The following LANCL2 variants were observed in gnomAD, a reference collection of about 807,000 sequenced individuals.
LANCL2 encodes the protein LanC like glutathione S-transferase 2, also known as lanC-like protein 2.
LANCL2 carries 33 observed loss-of-function variants against 56.9 expected under a neutral mutation model. The observed-to-expected ratio is 0.58, with a 90% CI of 0.44 to 0.78. The LOEUF (loss-of-function observed/expected upper bound fraction) is 0.78. Ranked by LOEUF, LANCL2 falls within the 30% of genes least tolerant of loss-of-function variation. The probability of loss-of-function intolerance (pLI) is 0.00; values close to 1 mark genes in which losing one functional copy is unlikely to be tolerated. For synonymous variants in LANCL2, 233 were observed against 228.2 expected (o/e 1.02, Z -0.19); for missense variants, 562 against 580.2 (o/e 0.97, Z 0.32).
In LANCL2 at chr7:55,366,233, A is replaced by G; in HGVS notation, c.204+4A>G. 2 of 1,495,794 alleles carry G rather than the reference A, an allele frequency of 1.3e-6. No homozygotes were observed. Among genetic ancestry groups the G allele is most frequent in the Non-Finnish European group, 1.8e-6 (2 of 1,116,310 alleles). 92.7% of individuals were successfully genotyped at this position (1,495,794 alleles called of 1,614,324 possible). ...CCCTTTTCATCAGGACGGGAAGGTG[A>G]GTCGGCGGCCTGGCCGCAGAGGCGC... On this transcript the variant is annotated splice_donor_region_variant and intron_variant, in intron 1 of 8. Transcript: ENST00000254770.
Position 55,409,965 on chromosome 7 carries a change from C to T in LANCL2, c.826-1942C>T, listed in dbSNP as rs527499164. ...AAGAACACAGGATTATGGATGGTGA[C>T]CAGAGTGAAACTAAAAATGGTGACC... On this transcript the variant is annotated intron_variant, in intron 5 of 8. Coordinates refer to ENST00000254770, the MANE Select transcript of LANCL2 (RefSeq NM_018697.4). Among the ~76,000 whole-genome samples, 272 of 152,172 alleles carry T rather than the reference C, an allele frequency of 1.8e-3. 4 individuals carry two copies. Among genetic ancestry groups the T allele is most frequent in the African/African-American group, 6.4e-3 (266 of 41,502 alleles).
At chr7:55,374,027 A>T (rs1789974307) in intron 1 of LANCL2, among the ~76,000 whole-genome samples, 1 of 152,224 alleles carries the variant, frequency 6.6e-6, no homozygotes. Context: ...TCAAAATGAA[A>T]CCTAACTTTT....
At chr7:55,419,527 A>G (rs979258265) in intron 6 of LANCL2, among the ~76,000 whole-genome samples, 2 of 149,256 alleles carry the variant, frequency 1.3e-5, no homozygotes, top group African/African-American at 5.0e-5. Flanking sequence ...GCAGCCTTCC[A>G]TGTAGTCGCG....
chr7:55,373,165 G>A (rs1482495460), intron 1 of LANCL2, among the ~76,000 whole-genome samples: 1 of 151,900 alleles, frequency 6.6e-6, no homozygotes, highest in Non-Finnish European at 1.5e-5. Flanking sequence ...TGATTACCAA[G>A]GGCTTACTAT....
In LANCL2 at chr7:55,410,986, C is replaced by G. The variant is rs574362484; in HGVS notation, c.826-921C>G. ...ACCCTGAGATGTTGTGTGATGTTAACATGTCACTCTGAAGGCATTGTGTGG... is the reference window on the plus strand; with the variant it reads ...ACCCTGAGATGTTGTGTGATGTTAAGATGTCACTCTGAAGGCATTGTGTGG... On this transcript the variant is annotated intron_variant, in intron 5 of 8. Coordinates refer to ENST00000254770, the MANE Select transcript of LANCL2 (RefSeq NM_018697.4). 5.9e-5 allele frequency among the ~76,000 whole-genome samples: 9 copies of G among 152,050 alleles called. No individual in the cohort carries two copies. The East Asian group carries it at 1.7e-3, about 29-fold the overall frequency.
chr7:55,403,179 G>A (rs1228760211), intron 5 of LANCL2, among the ~76,000 whole-genome samples: 27 of 152,282 alleles, frequency 1.8e-4, no homozygotes, highest in African/African-American at 5.3e-4. Context: ...ACGCGACTCC[G>A]TCTGCCATCC....
chr7:55,411,852 T>C, intron 5 of LANCL2, 55 bp from the exon 6 acceptor site: 1 of 1,515,874 alleles, frequency 6.6e-7, no homozygotes, highest in Non-Finnish European at 9.0e-7. Context: ...TGATACAATG[T>C]AAAAGAAATA....
intron 5 of LANCL2, among the ~76,000 whole-genome samples, chr7:55,403,819 G>A (rs926825823): frequency 4.0e-5 from 6 of 151,864 alleles, no homozygotes; most frequent in East Asian, 1.9e-4. Flanking sequence ...ATCCGCCCAC[G>A]TCAGCCTCCC....
At chr7:55,374,059 A>G (rs774073910) in intron 1 of LANCL2, among the ~76,000 whole-genome samples, 4 of 152,244 alleles carry the variant, frequency 2.6e-5, no homozygotes, top group Admixed American at 6.5e-5. Context: ...TTCCATAATT[A>G]AAGATAATTT....
intron 1 of LANCL2, among the ~76,000 whole-genome samples, chr7:55,386,185 C>T (rs1790123684): frequency 6.6e-6 from 1 of 152,126 alleles, no homozygotes; most frequent in Non-Finnish European, 1.5e-5. Flanking sequence ...TGATATACAT[C>T]CTTCTCGGCT....
At chr7:55,391,646 A>G (rs1790192163) in intron 1 of LANCL2, 147 bp from the exon 2 acceptor site, 1 of 511,524 alleles carries the variant, frequency 2.0e-6, no homozygotes, top group Non-Finnish European at 3.5e-6. Context: ...ATAAAAACCA[A>G]GATAGACTCC....
Position 55,365,962 on chromosome 7 carries a change from CG to C in LANCL2, c.-60del. ...CGCGGGCCCTCGGAGGAGGCGGCGG[CG>C]GGGCGAGCTGCAGCGCCGGGACAGG... On this transcript the variant is annotated 5_prime_UTR_variant, in exon 1 of 9. Transcript: ENST00000254770. 7.9e-7 allele frequency: 1 copy of C among 1,272,082 alleles called. No homozygotes were observed. Among genetic ancestry groups the C allele is most frequent in the Non-Finnish European group, 1.0e-6 (1 of 967,756 alleles). 78.8% of individuals were successfully genotyped at this position (1,272,082 alleles called of 1,614,324 possible).
chr7:55,394,575 A>AT (rs1206031564), intron 2 of LANCL2, among the ~76,000 whole-genome samples: 2 of 152,206 alleles, frequency 1.3e-5, no homozygotes, highest in African/African-American at 4.8e-5. Flanking sequence ...AAGAAGAAGA[A>AT]GAATGAATGA....
At chr7:55,379,467 T>A (rs1447216818) in intron 1 of LANCL2, among the ~76,000 whole-genome samples, 1 of 152,180 alleles carries the variant, frequency 6.6e-6, no homozygotes, top group Non-Finnish European at 1.5e-5. Context: ...AAGTGTCTCT[T>A]CTGGGGCTGG....
chr7:55,417,806 G>C (rs567923731), intron 6 of LANCL2, among the ~76,000 whole-genome samples: 44 of 152,106 alleles, frequency 2.9e-4, no homozygotes, highest in African/African-American at 1.1e-3. Context: ...AGCCTCCTGA[G>C]TAGCTGGGAT....
intron 6 of LANCL2, among the ~76,000 whole-genome samples, chr7:55,414,419 G>C (rs556381881): frequency 6.6e-6 from 1 of 152,160 alleles, no homozygotes; most frequent in Non-Finnish European, 1.5e-5. Context: ...GTAATAACAA[G>C]CTCTAACATT....
chr7:55,428,254 G>T, intron 7 of LANCL2, 121 bp from the exon 8 acceptor site: 1 of 841,816 alleles, frequency 1.2e-6, no homozygotes, highest in Non-Finnish European at 2.0e-6. Context: ...TGGAGCCCAC[G>T]CTGAATGCCC....
At chr7:55,412,296 G>T (rs912196315) in intron 6 of LANCL2, among the ~76,000 whole-genome samples, 1 of 152,228 alleles carries the variant, frequency 6.6e-6, no homozygotes, top group Non-Finnish European at 1.5e-5. Flanking sequence ...GTGTGTGATT[G>T]TGTGTGTTAA....
chr7:55,366,258 C>T (rs1342457758), intron 1 of LANCL2, 29 bp downstream of exon 1: 16 of 1,447,356 alleles, frequency 1.1e-5, no homozygotes, highest in South Asian at 5.4e-5. Flanking sequence ...CGCAGAGGCG[C>T]CGGAGGGGGA....
Sources: gnomAD v4.1 joint callset for allele counts (sites outside exome capture counted in the v4.1 genomes callset) on GRCh38, gnomAD v4.1.1 for gene constraint, MANE v1.5 for transcripts, NCBI Gene and HGNC (gene_info 2026-07-23, HGNC 2026-07-21) for gene names.